The following AURKA variants were observed in gnomAD, a reference collection of about 807,000 sequenced individuals.
AURKA encodes the protein aurora kinase A.
Under a neutral mutation model 40.9 loss-of-function variants are expected in AURKA, and 12 were observed. The ratio of observed to expected loss-of-function variants is 0.29; its 90% CI spans 0.19 to 0.48. AURKA has a LOEUF of 0.48. Ranked by LOEUF, AURKA falls within the 20% of genes least tolerant of loss-of-function variation. The probability of loss-of-function intolerance (pLI) is 0.99; values close to 1 mark genes in which losing one functional copy is unlikely to be tolerated. For synonymous variants in AURKA, 170 were observed against 164.3 expected, an observed-to-expected ratio of 1.03 and a Z score of -0.26; for missense variants, 322 against 462.1, an observed-to-expected ratio of 0.70 and a Z score of 2.78.
At chr20:56,387,128 A>T (rs186815139) in intron 2 of AURKA, among the ~76,000 whole-genome samples, 63 of 152,280 alleles carry the variant, frequency 4.1e-4, no homozygotes, top group African/African-American at 1.5e-3. Context: ...AAATGTAGAC[A>T]CTTCACAAAG....
At chr20:56,382,117 T>C (rs1985787220) in intron 5 of AURKA, among the ~76,000 whole-genome samples, 1 of 150,962 alleles carries the variant, frequency 6.6e-6, no homozygotes, top group African/African-American at 2.4e-5. Context: ...TGAGCTGAGA[T>C]TGCGCCACTG....
In AURKA at chr20:56,373,325, C is replaced by T. The variant is rs183194034; in HGVS notation, c.854+83G>A. 1.1e-5 allele frequency: 18 copies of T among 1,600,874 alleles called. No homozygotes were observed. Among genetic ancestry groups the T allele is most frequent in the Non-Finnish European group, 1.5e-5 (18 of 1,170,052 alleles). On this transcript the variant is annotated intron_variant, in intron 7 of 8. Transcript: ENST00000395915. The surrounding 1 kb of genome is among the most constrained non-coding windows in gnomAD (Gnocchi z 5.0). The stretch of plus-strand genomic sequence containing the variant: ...TACCCCTCTTACAGCACAAAATCTA[C>T]ACTGAAATATTTTACATTTAGCTCA...
At chr20:56,391,583 C>G (rs1041544760) in intron 1 of AURKA, among the ~76,000 whole-genome samples, 2 of 152,152 alleles carry the variant, frequency 1.3e-5, no homozygotes, top group South Asian at 4.1e-4. Context: ...TGCAAGTTAT[C>G]CCGGTACAAC....
chr20:56,389,053 C>A (rs960950666), intron 1 of AURKA, among the ~76,000 whole-genome samples: 6 of 152,190 alleles, frequency 3.9e-5, no homozygotes, highest in Non-Finnish European at 8.8e-5. Context: ...GTACTTGCAT[C>A]CTCAGCAGAA....
chr20:56,374,600 A>G (rs1569049898), intron 6 of AURKA, among the ~76,000 whole-genome samples: 1 of 151,968 alleles, frequency 6.6e-6, no homozygotes, highest in African/African-American at 2.4e-5. Context: ...TTAAGTTACT[A>G]TCTTTTTTTT....
chr20:56,372,054 C>T (rs1014013180), intron 7 of AURKA, among the ~76,000 whole-genome samples: 4 of 152,038 alleles, frequency 2.6e-5, no homozygotes, highest in African/African-American at 9.7e-5. Flanking sequence ...GTTTTTTTAA[C>T]GAAGGTTGGA....
chr20:56,371,472 A>AAAAGAATGCTGACCTCTGGAGTTGGTG (rs1984212902), intron 7 of AURKA, among the ~76,000 whole-genome samples: 1 of 151,908 alleles, frequency 6.6e-6, no homozygotes, highest in Non-Finnish European at 1.5e-5. Flanking sequence ...AAAAAAAAAA[A>AAAAGAATGCTGACCTCTGGAGTTGGTG]AAATTTTCTT....
chr20:56,383,288 A>G (rs982794252), intron 4 of AURKA, 112 bp from the exon 5 acceptor site: 6 of 1,131,468 alleles, frequency 5.3e-6, no homozygotes, highest in African/African-American at 3.1e-5. Flanking sequence ...ACTTCACTCA[A>G]TATGCATCCT....
intron 8 of AURKA, 52 bp downstream of exon 8, chr20:56,370,433 A>G (rs1983992620): frequency 1.2e-6 from 2 of 1,613,974 alleles, no homozygotes; most frequent in Admixed American, 1.7e-5. Context: ...GTTCAGGCTG[A>G]TAAGGAAAGA....
intron 5 of AURKA, 120 bp from the exon 6 acceptor site, chr20:56,381,691 A>T: frequency 8.1e-7 from 1 of 1,233,174 alleles, no homozygotes; most frequent in Non-Finnish European, 1.2e-6. Context: ...CACACTCCAA[A>T]CCCCACTTTA....
Position 56,370,263 on chromosome 20 carries a change from G to A in AURKA, c.1107C>T (p.Ser369=), listed in dbSNP as rs756839520. The change falls in exon 9 of 9, where the codon AGC becomes AGT. Residue 369 remains serine, a synonymous_variant. Coordinates refer to ENST00000395915, the MANE Select transcript of AURKA (RefSeq NM_198437.3). ...LISRLLKHNP[S]QRPMLREVLE... ...GTACTTCTCTGAGCATTGGCCTCTGGCTGGGATTATGCTTCAACAGTCTTG... is the reference window on the plus strand; with the variant it reads ...GTACTTCTCTGAGCATTGGCCTCTGACTGGGATTATGCTTCAACAGTCTTG... The A allele has an allele frequency of 6.2e-7, 1 of 1,614,162 alleles. No individual in the cohort carries two copies.
At chr20:56,388,224 T>C (rs765966323) in intron 1 of AURKA, 22 bp from the exon 2 acceptor site, 2 of 1,055,040 alleles carry the variant, frequency 1.9e-6, no homozygotes, top group Non-Finnish European at 2.3e-6. Context: ...AAGAAGAACC[T>C]TTAATTTGAA....
Position 56,370,306 on chromosome 20 carries a change from C to T in AURKA, c.1064G>A (p.Gly355Glu), listed in dbSNP as rs747506381. 1.5e-5 allele frequency: 24 copies of T among 1,614,158 alleles called. No individual in the cohort carries two copies. The South Asian group carries it at 2.5e-4, about 17-fold the overall frequency. The change falls in exon 9 of 9, where the codon GGA becomes GAA. Residue 355 changes from glycine (G) to glutamate (E), a missense_variant. Transcript: ENST00000395915. ...CAGTCTTGAAATGAGGTCCCTGGCT[C>T]CCTCTGTTACAAAGTCAGGGAATGT... is the stretch of plus-strand genomic sequence containing the variant. ...EFTFPDFVTE[G>E]ARDLISRLLK...
chr20:56,380,294 G>T (rs1985533067), intron 6 of AURKA, among the ~76,000 whole-genome samples: 1 of 150,506 alleles, frequency 6.6e-6, no homozygotes, highest in Non-Finnish European at 1.5e-5. Flanking sequence ...GGCTGAGGTT[G>T]CAGTGAGCCA....
At chr20:56,386,850 G>C (rs1986437746) in intron 2 of AURKA, among the ~76,000 whole-genome samples, 1 of 151,774 alleles carries the variant, frequency 6.6e-6, no homozygotes, top group Admixed American at 6.6e-5. Flanking sequence ...TTGCTATTTG[G>C]CAAAAAGCTA....
chr20:56,370,439 A>G, intron 8 of AURKA, 46 bp downstream of exon 8: 7 of 1,614,138 alleles, frequency 4.3e-6, no homozygotes, highest in Non-Finnish European at 5.9e-6. Context: ...GCTGATAAGG[A>G]AAGAATTCCA....
chr20:56,371,669 G>T (rs183673129), intron 7 of AURKA, among the ~76,000 whole-genome samples: 3 of 149,420 alleles, frequency 2.0e-5, no homozygotes, highest in African/African-American at 7.6e-5. Flanking sequence ...TCCAACCACA[G>T]AGACAATCCA....
intron 6 of AURKA, among the ~76,000 whole-genome samples, chr20:56,379,357 G>A (rs532530751): frequency 3.9e-5 from 6 of 152,274 alleles, no homozygotes; most frequent in African/African-American, 9.6e-5. Flanking sequence ...GTAAACAGGA[G>A]GAAGTTAGAA....
At chr20:56,380,610 C>T (rs1169305844) in intron 6 of AURKA, among the ~76,000 whole-genome samples, 3 of 152,102 alleles carry the variant, frequency 2.0e-5, no homozygotes, top group African/African-American at 7.2e-5. Context: ...TAGTAACTTC[C>T]TTTGAAGAAA....
Sources: gnomAD v4.1 joint callset for allele counts (sites outside exome capture counted in the v4.1 genomes callset) on GRCh38, gnomAD v4.1.1 for gene constraint, Gnocchi (gnomAD v3.1) non-coding constraint, MANE v1.5 for transcripts, NCBI Gene and HGNC (gene_info 2026-07-23, HGNC 2026-07-21) for gene names.